LSAMP: variants seen among roughly 807,000 people sequenced by gnomAD.
LSAMP encodes limbic system associated membrane protein.
Under a neutral mutation model 38.6 loss-of-function variants are expected in LSAMP, and 7 were observed. That is an observed-to-expected ratio of 0.18 (90% CI 0.10 to 0.34). The LOEUF (loss-of-function observed/expected upper bound fraction) is 0.34. LSAMP is among the 10% of genes least tolerant of loss of function. LSAMP has a pLI of 1.00. For missense variants in LSAMP, 313 were observed against 420.0 expected (o/e 0.75, Z 2.23); for synonymous variants, 154 against 166.8 (o/e 0.92, Z 0.59).
chr3:116,253,876 A>T (rs2046717882), intron 1 of LSAMP, among the ~76,000 whole-genome samples: 1 of 152,186 alleles, frequency 6.6e-6, no homozygotes. Flanking sequence ...GCTCATTCTC[A>T]TTTCCAAATA....
intron 1 of LSAMP, among the ~76,000 whole-genome samples, chr3:116,358,747 G>A (rs1189328271): frequency 6.6e-6 from 1 of 152,098 alleles, no homozygotes; most frequent in Non-Finnish European, 1.5e-5. Context: ...GTACAAAAAT[G>A]TGAGTCACTC....
At chr3:116,444,759 C>T in intron 1 of LSAMP, 118 bp downstream of exon 1, 1 of 1,286,378 alleles carries the variant, frequency 7.8e-7, no homozygotes, top group South Asian at 1.3e-5. Context: ...AAGCCTGCAG[C>T]ATCAGGAGCT....
intron 3 of LSAMP, among the ~76,000 whole-genome samples, chr3:115,861,135 TTCCTTCCTTCCTTCCTTCC>T (rs1559855413): frequency 0.13 from 700 of 5,442 alleles, 15 homozygotes; most frequent in Non-Finnish European, 0.17. Flanking sequence ...CTTTCTTTCC[TTCCTTCCTTCCTTCCTTCC>T]TTCCTTCCTT....
intron 3 of LSAMP, among the ~76,000 whole-genome samples, chr3:115,942,994 T>C (rs1937977259): frequency 6.6e-6 from 1 of 152,158 alleles, no homozygotes; most frequent in African/African-American, 2.4e-5. Flanking sequence ...TAAAAAGGTA[T>C]TAGTGACTTG....
At chr3:115,927,759 C>T (rs1252951508) in intron 3 of LSAMP, among the ~76,000 whole-genome samples, 1 of 152,158 alleles carries the variant, frequency 6.6e-6, no homozygotes, top group Admixed American at 6.5e-5. Flanking sequence ...CTCCAGAAGG[C>T]CGCCTGGCCC....
At chr3:116,338,194 G>A (rs2047947030) in intron 1 of LSAMP, among the ~76,000 whole-genome samples, 2 of 151,996 alleles carry the variant, frequency 1.3e-5, no homozygotes, top group African/African-American at 2.4e-5. Flanking sequence ...TAGCTATGAA[G>A]AAGTGATTGG....
At chr3:116,277,693 C>CTGTT (rs1458768613) in intron 1 of LSAMP, among the ~76,000 whole-genome samples, 1 of 152,094 alleles carries the variant, frequency 6.6e-6, no homozygotes, top group Non-Finnish European at 1.5e-5. Context: ...TTTTATACAT[C>CTGTT]TGTTTAAAGA....
intron 1 of LSAMP, among the ~76,000 whole-genome samples, chr3:116,201,303 G>A (rs919697578): frequency 6.6e-6 from 1 of 152,184 alleles, no homozygotes; most frequent in Non-Finnish European, 1.5e-5. Context: ...TTTAAACACA[G>A]CCTTTCCTCT....
intron 3 of LSAMP, among the ~76,000 whole-genome samples, chr3:115,990,026 A>G (rs4831222): frequency 0.45 from 67,876 of 151,862 alleles, 16,788 homozygotes; most frequent in African/African-American, 0.68. Flanking sequence ...GTTAGGAGCT[A>G]CAGAGATTTC....
At chr3:116,214,478 A>G (rs2046196742) in intron 1 of LSAMP, among the ~76,000 whole-genome samples, 1 of 151,578 alleles carries the variant, frequency 6.6e-6, no homozygotes. Flanking sequence ...GTGAGCCCTC[A>G]AATAAAGAGT....
At chr3:116,354,641 T>G (rs747931488) in intron 1 of LSAMP, among the ~76,000 whole-genome samples, 4 of 152,236 alleles carry the variant, frequency 2.6e-5, no homozygotes, top group Non-Finnish European at 4.4e-5. Flanking sequence ...TGCAATGTTT[T>G]ATGGTAGGTT....
At chr3:116,112,378 T>C (rs1227843643) in intron 1 of LSAMP, among the ~76,000 whole-genome samples, 2 of 152,184 alleles carry the variant, frequency 1.3e-5, no homozygotes, top group African/African-American at 4.8e-5. Flanking sequence ...CAGTTTAACA[T>C]AGCCAGCTAG....
intron 1 of LSAMP, among the ~76,000 whole-genome samples, chr3:116,321,220 A>T (rs1297812762): frequency 6.6e-6 from 1 of 152,028 alleles, no homozygotes; most frequent in Non-Finnish European, 1.5e-5. Context: ...AATTTGTCTT[A>T]AAAAATAGCT....
chr3:116,073,297 T>C (rs1309619015), intron 2 of LSAMP, among the ~76,000 whole-genome samples: 3 of 152,202 alleles, frequency 2.0e-5, no homozygotes, highest in South Asian at 2.1e-4. Context: ...CGTGCTGTTG[T>C]TGTTACTGTG....
At chr3:116,093,341 T>C (rs1708163897) in intron 1 of LSAMP, among the ~76,000 whole-genome samples, 1 of 152,204 alleles carries the variant, frequency 6.6e-6, no homozygotes, top group African/African-American at 2.4e-5. Flanking sequence ...TTATCCAAAA[T>C]GTTGACAGGA....
rs769464962 is a variant in LSAMP, at chr3:115,852,473, C to A, written c.649+10G>T. 3 of 1,605,970 alleles carry A rather than the reference C, an allele frequency of 1.9e-6. No homozygotes were observed. The highest frequency in any genetic ancestry group is 1.7e-6 in the Non-Finnish European group (2 of 1,176,524). Reference sequence around the variant, plus strand: ...GGCACCTAGCACCTGCTGGCTCCTGCCGTACTCACAGTTCACAGTGACCTT... The same window carrying A: ...GGCACCTAGCACCTGCTGGCTCCTGACGTACTCACAGTTCACAGTGACCTT... On this transcript the variant is annotated intron_variant, in intron 4 of 6. Transcript: ENST00000490035.
At chr3:116,062,798 A>G (rs1214331115) in intron 2 of LSAMP, among the ~76,000 whole-genome samples, 2 of 152,224 alleles carry the variant, frequency 1.3e-5, no homozygotes, top group Admixed American at 6.5e-5. Context: ...TTACTCACAG[A>G]GCCCAACTCC....
At chr3:116,420,907 A>G (rs1049476882) in intron 1 of LSAMP, among the ~76,000 whole-genome samples, 12 of 152,216 alleles carry the variant, frequency 7.9e-5, no homozygotes, top group Admixed American at 6.5e-4. Flanking sequence ...AAATTGGCAA[A>G]GATGCCAAAG....
chr3:116,373,232 T>C (rs531974393), intron 1 of LSAMP, among the ~76,000 whole-genome samples: 9 of 151,478 alleles, frequency 5.9e-5, no homozygotes, highest in South Asian at 2.1e-4. Context: ...TATATATATA[T>C]GCACACACAC....
Sources: allele counts gnomAD v4.1 joint callset (sites outside exome capture counted in the v4.1 genomes callset), GRCh38; gene constraint gnomAD v4.1.1; transcripts MANE v1.5; gene names NCBI Gene and HGNC (gene_info 2026-07-23, HGNC 2026-07-21).